Variants in HOOK3 observed in about 807,000 individuals in gnomAD.
The protein encoded by HOOK3 is hook microtubule tethering protein 3.
Under a neutral mutation model 116.3 loss-of-function variants are expected in HOOK3, and 24 were observed. The observed-to-expected ratio is 0.21, with a 90% CI of 0.15 to 0.29. HOOK3 has a LOEUF of 0.29. Ranked by LOEUF, HOOK3 falls within the 10% of genes least tolerant of loss-of-function variation. HOOK3 has a pLI of 1.00. For missense variants in HOOK3, 632 were observed against 830.2 expected, an observed-to-expected ratio of 0.76 and a Z score of 2.93; for synonymous variants, 275 against 283.0, an observed-to-expected ratio of 0.97 and a Z score of 0.28.
chr8:42,905,009 T>A (rs1383258804), intron 1 of HOOK3, among the ~76,000 whole-genome samples: 2 of 152,222 alleles, frequency 1.3e-5, no homozygotes, highest in Non-Finnish European at 2.9e-5. Flanking sequence ...TCAGCTACAT[T>A]TTCTTACTTT....
At chr8:43,015,843 G>A (rs550518788) in intron 21 of HOOK3, among the ~76,000 whole-genome samples, 17 of 151,274 alleles carry the variant, frequency 1.1e-4, no homozygotes, top group Admixed American at 7.3e-4. Flanking sequence ...TTAGCCTCCC[G>A]AGTAACTGGG....
chr8:42,910,152 A>G (rs1807394576), intron 2 of HOOK3, among the ~76,000 whole-genome samples: 1 of 152,354 alleles, frequency 6.6e-6, no homozygotes, highest in East Asian at 1.9e-4. Flanking sequence ...TCCACATTGT[A>G]TACGATATCA....
intron 4 of HOOK3, among the ~76,000 whole-genome samples, chr8:42,937,037 GT>G (rs1445848003): frequency 2.0e-5 from 3 of 152,158 alleles, no homozygotes; most frequent in African/African-American, 7.2e-5. Context: ...TTTTTGGTTG[GT>G]AAGGTATTAC....
Position 42,968,932 on chromosome 8 carries a change from C to T in HOOK3, c.1122+718C>T, listed in dbSNP as rs557856304. 4.7e-4 allele frequency among the ~76,000 whole-genome samples: 71 copies of T among 152,142 alleles called. 1 individual carries two copies. The highest frequency in any genetic ancestry group is 1.7e-3 in the African/African-American group (71 of 41,524). On this transcript the variant is annotated intron_variant, in intron 11 of 21. Coordinates refer to ENST00000307602, the MANE Select transcript of HOOK3 (RefSeq NM_032410.4). The stretch of plus-strand genomic sequence containing the variant: ...AAAATTTATAGCACTTTGACATGTT[C>T]CAGAACTTTATATAAATGATACAGT...
chr8:42,930,188 T>A lies in HOOK3; in HGVS notation c.267+16T>A. 6.6e-7 allele frequency: 1 copy of A among 1,522,424 alleles called. No homozygotes were observed. Among genetic ancestry groups the A allele is most frequent in the Non-Finnish European group, 8.8e-7 (1 of 1,131,844 alleles). 94.3% of individuals were successfully genotyped at this position (1,522,424 alleles called of 1,614,324 possible). ...TAATCATGAGGTAAAGACTTTTTTC[T>A]CATTCTGCTTAGAAGTGTTACTATC... On this transcript the variant is annotated intron_variant, in intron 4 of 21. Transcript: ENST00000307602.
chr8:42,897,223 C>G (rs1025833702), intron 1 of HOOK3, 35 bp downstream of exon 1: 1 of 1,217,916 alleles, frequency 8.2e-7, no homozygotes, highest in East Asian at 3.2e-5. Flanking sequence ...GGAAGACCCC[C>G]TCCCCCCGCC....
At chr8:42,936,907 A>C (rs993030479) in intron 4 of HOOK3, among the ~76,000 whole-genome samples, 1 of 152,126 alleles carries the variant, frequency 6.6e-6, no homozygotes, top group South Asian at 2.1e-4. Flanking sequence ...GGCCTCATCA[A>C]ATGAGTTAGG....
intron 8 of HOOK3, among the ~76,000 whole-genome samples, chr8:42,963,792 G>A (rs570117130): frequency 1.3e-5 from 2 of 152,178 alleles, no homozygotes; most frequent in South Asian, 4.1e-4. Flanking sequence ...ATCTTGTCTG[G>A]TGAGGTGTTT....
intron 4 of HOOK3, among the ~76,000 whole-genome samples, chr8:42,938,228 T>C (rs1390687502): frequency 1.3e-5 from 2 of 151,766 alleles, no homozygotes; most frequent in Non-Finnish European, 2.9e-5. Flanking sequence ...TTTTTTTTTT[T>C]TTTTGCTTTC....
In HOOK3 at chr8:43,028,740, C is replaced by G. The variant is rs1278720038; in HGVS notation, c.*10242C>G. The G allele has an allele frequency of 5.1e-6, 1 of 197,546 alleles. No homozygotes were observed. The highest frequency in any genetic ancestry group is 1.0e-5 in the Non-Finnish European group (1 of 95,416). 12.2% of individuals were successfully genotyped at this position (197,546 alleles called of 1,614,324 possible). A position where few individuals can be genotyped will look rare whatever the true frequency, so the allele number is the denominator to read the frequency against. ...AAGTGCTTAACATAACTAAATGGAT[C>G]TATAGTAACATGTCTAAATTTTTTA... On this transcript the variant is annotated 3_prime_UTR_variant, in exon 22 of 22. Coordinates refer to ENST00000307602, the MANE Select transcript of HOOK3 (RefSeq NM_032410.4).
chr8:42,921,518 AAG>A (rs1717754710), intron 2 of HOOK3, among the ~76,000 whole-genome samples: 1 of 152,196 alleles, frequency 6.6e-6, no homozygotes, highest in African/African-American at 2.4e-5. Context: ...GTTTTAAGCA[AAG>A]AGAACACTTT....
intron 3 of HOOK3, among the ~76,000 whole-genome samples, chr8:42,927,574 A>G (rs998817826): frequency 6.6e-6 from 1 of 151,982 alleles, no homozygotes; most frequent in Non-Finnish European, 1.5e-5. Context: ...TTTAATTTCT[A>G]AACAGTCTTT....
intron 2 of HOOK3, among the ~76,000 whole-genome samples, chr8:42,909,288 T>TTG (rs1358726438): frequency 4.6e-5 from 7 of 152,214 alleles, no homozygotes; most frequent in African/African-American, 1.7e-4. Flanking sequence ...AATCCCACTT[T>TTG]TGTGTATATA....
rs1293772710 is a variant in HOOK3, at chr8:43,026,903, G to GGAGTCTCACTCT, written c.*8419_*8430dup. 1 of 188,732 alleles carries GGAGTCTCACTCT rather than the reference G, an allele frequency of 5.3e-6. No homozygotes were observed. Among genetic ancestry groups the GGAGTCTCACTCT allele is most frequent in the Non-Finnish European group, 1.1e-5 (1 of 90,108 alleles). The allele number at this position is 188,732 out of a possible 1,614,324, so 11.7% of individuals were successfully genotyped here. A position where few individuals can be genotyped will look rare whatever the true frequency, so the allele number is the denominator to read the frequency against. ...TTTTTCTTTTTTTTTCTTTTGAGAT[G>GGAGTCTCACTCT]GAGTCTCACTCTGAGTCTCACTCTG... On this transcript the variant is annotated 3_prime_UTR_variant, in exon 22 of 22. Transcript: ENST00000307602.
At chr8:43,000,165 T>C in intron 16 of HOOK3, 3 of 678,360 alleles carry the variant, frequency 4.4e-6, no homozygotes, top group South Asian at 3.0e-5. Context: ...AAAGTACTTA[T>C]CTTTTACTTC....
chr8:42,994,493 G>A, intron 15 of HOOK3: 1 of 362,798 alleles, frequency 2.8e-6, no homozygotes, highest in Middle Eastern at 3.8e-4. Context: ...ATAGATTTCG[G>A]TATGTTGTGT....
rs1809823544 is a variant in HOOK3, at chr8:43,021,302, T to A, written c.*2804T>A. 5.2e-6 allele frequency: 1 copy of A among 194,076 alleles called. No individual in the cohort carries two copies. The highest frequency in any genetic ancestry group is 6.1e-5 in the Admixed American group (1 of 16,304). 12.0% of individuals were successfully genotyped at this position (194,076 alleles called of 1,614,324 possible). On this transcript the variant is annotated 3_prime_UTR_variant, in exon 22 of 22. Coordinates refer to ENST00000307602, the MANE Select transcript of HOOK3 (RefSeq NM_032410.4). ...CAGGCTTTTAGAGGGGAGTTTTACT[T>A]CTGACTTTTTTTTCCCCCCGAGACG...
rs577940118 is a variant in HOOK3, at chr8:43,022,427, T to G, written c.*3929T>G. 4.9e-6 allele frequency: 1 copy of G among 202,642 alleles called. No individual in the cohort carries two copies. Among genetic ancestry groups the G allele is most frequent in the Admixed American group, 6.0e-5 (1 of 16,688 alleles). The allele number at this position is 202,642 out of a possible 1,614,324, so 12.6% of individuals were successfully genotyped here. On this transcript the variant is annotated 3_prime_UTR_variant, in exon 22 of 22. Transcript: ENST00000307602. Reference sequence around the variant, plus strand: ...TGGAGCAAGTACAGGGTTGCTGTGTTGGGTTGGAGCACACTGTCACCACAG... The same window carrying G: ...TGGAGCAAGTACAGGGTTGCTGTGTGGGGTTGGAGCACACTGTCACCACAG...
chr8:42,921,225 G>T (rs1807651722), intron 2 of HOOK3, among the ~76,000 whole-genome samples: 1 of 151,460 alleles, frequency 6.6e-6, no homozygotes, highest in Non-Finnish European at 1.5e-5. Flanking sequence ...TCAGCTGAAT[G>T]AAACTGACTT....
Sources: allele counts gnomAD v4.1 joint callset (sites outside exome capture counted in the v4.1 genomes callset), GRCh38; gene constraint gnomAD v4.1.1; transcripts MANE v1.5; gene names NCBI Gene and HGNC (gene_info 2026-07-23, HGNC 2026-07-21).